C4orf51: variants seen among roughly 807,000 people sequenced by gnomAD.
C4orf51 encodes chromosome 4 open reading frame 51, also known as uncharacterized protein C4orf51.
In C4orf51, 25 loss-of-function variants were observed where a neutral mutation model predicts 25.2. The observed-to-expected ratio is 0.99, with a 90% CI of 0.72 to 1.39. The LOEUF (loss-of-function observed/expected upper bound fraction) is 1.39, where lower values mean the gene tolerates loss of function less well. C4orf51 is among the 40% of genes most tolerant of loss of function. The pLI is 0.00. For missense variants in C4orf51, 252 were observed against 239.6 expected, an observed-to-expected ratio of 1.05 and a Z score of -0.34; for synonymous variants, 100 against 84.5, an observed-to-expected ratio of 1.18 and a Z score of -1.01.
rs1233714459 is a variant in C4orf51 at position 145,761,947 on chromosome 4, T to C, written n.167-9041T>C. On this transcript the variant is annotated intron_variant and non_coding_transcript_variant, in intron 1 of 1. Transcript: ENST00000510096. The surrounding 1 kb of genome is among the most constrained non-coding windows in gnomAD (Gnocchi z 6.8). ...GCCCCCGCCCGGCCCCTCGGAGCCC[T>C]CCCCACTCCCGACCAGACAGCGCAG... Among the ~76,000 whole-genome samples, 3 of 147,662 alleles carry C rather than the reference T, an allele frequency of 2.0e-5. No individual in the cohort carries two copies. Among genetic ancestry groups the C allele is most frequent in the Admixed American group, 1.3e-4 (2 of 14,938 alleles).
chr4:145,715,222 C>T (rs901992847), intron 2 of C4orf51, among the ~76,000 whole-genome samples: 2 of 152,198 alleles, frequency 1.3e-5, no homozygotes, highest in Admixed American at 1.3e-4. Context: ...TTCTGATGGA[C>T]TCCCTGAAGC....
intron 1 of C4orf51, among the ~76,000 whole-genome samples, chr4:145,740,240 C>CAAAAAAAAAAAAAA (rs60310006): frequency 2.9e-5 from 3 of 104,836 alleles, no homozygotes; most frequent in Admixed American, 1.1e-4. Flanking sequence ...TCCCTTTCTG[C>CAAAAAAAAAAAAAA]AAAAAAAAAA....
At chr4:145,691,011 G>T (rs1729527420) in intron 1 of C4orf51, among the ~76,000 whole-genome samples, 1 of 152,128 alleles carries the variant, frequency 6.6e-6, no homozygotes. Flanking sequence ...TACTCAGGAG[G>T]CTGAGGTGGG....
At chr4:145,789,645 G>A in the C4orf51 span, among the ~76,000 whole-genome samples, 4 of 152,072 alleles carry the variant, frequency 2.6e-5, no homozygotes, top group Non-Finnish European at 4.4e-5. Context: ...TCCCAAACCC[G>A]AATCTGTCTG....
At chr4:145,696,527 T>G in intron 1 of C4orf51, 32 bp from the exon 2 acceptor site, 2 of 1,542,120 alleles carry the variant, frequency 1.3e-6, no homozygotes, top group Non-Finnish European at 1.8e-6. Context: ...TCCATAAATT[T>G]GTAACTTGTT....
chr4:145,740,870 AAC>A (rs1733060922), intron 1 of C4orf51, among the ~76,000 whole-genome samples: 1 of 152,234 alleles, frequency 6.6e-6, no homozygotes. Context: ...GTTAATAAAA[AAC>A]AGATTATTTC....
At chr4:145,689,161 A>G (rs948855722) in intron 1 of C4orf51, among the ~76,000 whole-genome samples, 3 of 152,224 alleles carry the variant, frequency 2.0e-5, no homozygotes, top group African/African-American at 4.8e-5. Flanking sequence ...AGGCAAATCA[A>G]TGAAACCATT....
Position 145,761,714 on chromosome 4 carries a change from T to TGCCCA in C4orf51, n.167-9259_167-9255dup, listed in dbSNP as rs767361181. 36 of 618,948 alleles carry TGCCCA rather than the reference T, an allele frequency of 5.8e-5. No individual in the cohort carries two copies. Among genetic ancestry groups the TGCCCA allele is most frequent in the South Asian group, 2.2e-4 (12 of 54,048 alleles). The allele number at this position is 618,948 out of a possible 1,614,324, so 38.3% of individuals were successfully genotyped here. A position where few individuals can be genotyped will look rare whatever the true frequency, so the allele number is the denominator to read the frequency against. ...ACCCCCCAGTGTCTGAGGCCTGGCC[T>TGCCCA]GCCCAGCCCAGCCCAGCCCTGCCGC... On this transcript the variant is annotated intron_variant and non_coding_transcript_variant, in intron 1 of 1. Transcript: ENST00000510096. This position sits in a 1 kb window ranked among gnomAD's most constrained non-coding sequence, Gnocchi z 6.8.
intron 5 of C4orf51, among the ~76,000 whole-genome samples, chr4:145,730,445 G>A (rs1188086455): frequency 6.6e-6 from 1 of 152,136 alleles, no homozygotes; most frequent in African/African-American, 2.4e-5. Flanking sequence ...TCTCCTTCCT[G>A]ATTAGACTTT....
chr4:145,777,231 T>G, the C4orf51 span, among the ~76,000 whole-genome samples: 3 of 152,230 alleles, frequency 2.0e-5, no homozygotes, highest in Non-Finnish European at 4.4e-5. Context: ...AATGTGTCCT[T>G]TCTTTAGAAG....
intron 2 of C4orf51, among the ~76,000 whole-genome samples, chr4:145,717,861 A>G (rs1731502604): frequency 6.6e-6 from 1 of 152,238 alleles, no homozygotes; most frequent in Admixed American, 6.5e-5. Flanking sequence ...CAGCTCTTAT[A>G]TTCAAAGTAG....
chr4:145,695,426 G>A (rs534979769), intron 1 of C4orf51, among the ~76,000 whole-genome samples: 1 of 152,200 alleles, frequency 6.6e-6, no homozygotes, highest in South Asian at 2.1e-4. Context: ...TTTTTAATGG[G>A]ATTGTTTGTT....
downstream of C4orf51, among the ~76,000 whole-genome samples, chr4:145,771,221 C>T (rs1181939634): frequency 1.3e-5 from 2 of 152,162 alleles, no homozygotes; most frequent in Admixed American, 6.5e-5. Flanking sequence ...GGTTTTGCTT[C>T]TCTTTTTCTG....
downstream of C4orf51, among the ~76,000 whole-genome samples, chr4:145,755,803 G>C (rs187026656): frequency 3.3e-5 from 5 of 152,328 alleles, no homozygotes; most frequent in African/African-American, 1.2e-4. Flanking sequence ...AATGATGTAA[G>C]CAAGAATATT....
intron 1 of C4orf51, among the ~76,000 whole-genome samples, chr4:145,691,976 C>CACATGTACCCTTTGAG (rs1427861062): frequency 6.6e-6 from 1 of 151,890 alleles, no homozygotes; most frequent in African/African-American, 2.4e-5. Context: ...TGATATACAG[C>CACATGTACCCTTTGAG]TGATAGGAAT....
intron 1 of C4orf51, chr4:145,759,779 C>G (rs1300758701): frequency 6.6e-6 from 1 of 151,860 alleles, no homozygotes; most frequent in African/African-American, 2.4e-5. Context: ...AGCATTTATA[C>G]CCAGAATTTA....
At chr4:145,788,856 G>A in the C4orf51 span, among the ~76,000 whole-genome samples, 2 of 152,184 alleles carry the variant, frequency 1.3e-5, no homozygotes, top group Non-Finnish European at 2.9e-5. Context: ...TGAAAATCAT[G>A]TCTTTTTTGT....
intron 2 of C4orf51, among the ~76,000 whole-genome samples, chr4:145,717,196 G>A (rs1731465162): frequency 6.6e-6 from 1 of 152,130 alleles, no homozygotes; most frequent in Non-Finnish European, 1.5e-5. Context: ...CATTTGAGGG[G>A]TGGAAACATG....
At chr4:145,768,323 C>T (rs977621990) in intron 1 of C4orf51, among the ~76,000 whole-genome samples, 1 of 152,048 alleles carries the variant, frequency 6.6e-6, no homozygotes, top group African/African-American at 2.4e-5. Context: ...TGCCATCATG[C>T]CTGGCTAATT....
Sources: gnomAD v4.1 joint callset for allele counts (sites outside exome capture counted in the v4.1 genomes callset) on GRCh38, gnomAD v4.1.1 for gene constraint, Gnocchi (gnomAD v3.1) non-coding constraint, MANE v1.5 for transcripts, NCBI Gene and HGNC (gene_info 2026-07-23, HGNC 2026-07-21) for gene names.